The following IQCH variants were observed in gnomAD, a reference collection of about 807,000 sequenced individuals.
IQCH encodes IQ motif containing H.
In IQCH, 98 loss-of-function variants were observed where a neutral mutation model predicts 117.0. That is an observed-to-expected ratio of 0.84 (90% CI 0.71 to 0.99). The LOEUF is 0.99. IQCH is among the 50% of genes least tolerant of loss of function. The pLI is 0.00. For synonymous variants in IQCH, 412 were observed against 448.2 expected, an observed-to-expected ratio of 0.92 and a Z score of 1.02; for missense variants, 1,102 against 1,243.8, an observed-to-expected ratio of 0.89 and a Z score of 1.72.
chr15:67,364,796 T>C lies in IQCH; in HGVS notation c.753+4911T>C, dbSNP rs1462480393. ...CTCTGGTTTTACTCTTTTCATCTAA[T>C]AGTTTATCATAAACCTTTACATATA... On this transcript the variant is annotated intron_variant, in intron 8 of 20. Transcript: ENST00000335894. The surrounding 1 kb of genome is among the most constrained non-coding windows in gnomAD (Gnocchi z 4.1). Among the ~76,000 whole-genome samples the C allele has an allele frequency of 6.6e-6, 1 of 152,232 alleles. No homozygotes were observed. The highest frequency in any genetic ancestry group is 1.5e-5 in the Non-Finnish European group (1 of 68,034).
At chr15:67,420,711 A>G (rs2081714718) in intron 15 of IQCH, among the ~76,000 whole-genome samples, 1 of 152,248 alleles carries the variant, frequency 6.6e-6, no homozygotes, top group African/African-American at 2.4e-5. Context: ...CATTATCAGC[A>G]GAGAGAGCAT....
Position 67,432,124 on chromosome 15 carries a change from T to C in IQCH, c.2505+10547T>C, listed in dbSNP as rs1050672907. On this transcript the variant is annotated intron_variant, in intron 16 of 20. Coordinates refer to ENST00000335894, the MANE Select transcript of IQCH (RefSeq NM_001031715.3). The surrounding 1 kb of genome is among the most constrained non-coding windows in gnomAD (Gnocchi z 5.0). Reference sequence around the variant, plus strand: ...CTGTATTATAAGCATTGATAGTTAATACTTTTTTTGAAAAAGGAAATTAAA... The same window carrying C: ...CTGTATTATAAGCATTGATAGTTAACACTTTTTTTGAAAAAGGAAATTAAA... Among the ~76,000 whole-genome samples the C allele has an allele frequency of 9.9e-5, 15 of 152,198 alleles. No homozygotes were observed. The highest frequency in any genetic ancestry group is 3.1e-4 in the African/African-American group (13 of 41,440).
At chr15:67,274,935 C>T (rs1046145127) in intron 3 of IQCH, among the ~76,000 whole-genome samples, 3 of 152,112 alleles carry the variant, frequency 2.0e-5, no homozygotes, top group African/African-American at 7.2e-5. Flanking sequence ...CTGCCTGTCC[C>T]AAATGGAAGA....
chr15:67,392,113 TC>T (rs1439364934), intron 12 of IQCH, among the ~76,000 whole-genome samples: 1 of 152,154 alleles, frequency 6.6e-6, no homozygotes, highest in Non-Finnish European at 1.5e-5. Context: ...TTTGAGCAAA[TC>T]ACTTGAGGCT....
intron 4 of IQCH, among the ~76,000 whole-genome samples, chr15:67,314,398 A>C (rs1967746776): frequency 6.6e-6 from 1 of 151,526 alleles, no homozygotes; most frequent in South Asian, 2.1e-4. Context: ...CTAATAATGC[A>C]CAGAAATGCC....
Position 67,494,396 on chromosome 15 carries a change from T to A in IQCH, c.2970+30T>A, listed in dbSNP as rs548653579. 1 of 1,458,944 alleles carries A rather than the reference T, an allele frequency of 6.9e-7. No individual in the cohort carries two copies. The highest frequency in any genetic ancestry group is 9.6e-7 in the Non-Finnish European group (1 of 1,046,302). 90.4% of individuals were successfully genotyped at this position (1,458,944 alleles called of 1,614,324 possible). A position where few individuals can be genotyped will look rare whatever the true frequency, so the allele number is the denominator to read the frequency against. On this transcript the variant is annotated intron_variant, in intron 20 of 20. Coordinates refer to ENST00000335894, the MANE Select transcript of IQCH (RefSeq NM_001031715.3). This position sits in a 1 kb window ranked among gnomAD's most constrained non-coding sequence, Gnocchi z 5.5. Reference sequence around the variant, plus strand: ...GGTGTTAATTAACTAACGATTCTGGTTAATTTCTATACAAGGGCTGAAAAT... The same window carrying A: ...GGTGTTAATTAACTAACGATTCTGGATAATTTCTATACAAGGGCTGAAAAT...
intron 4 of IQCH, among the ~76,000 whole-genome samples, chr15:67,330,229 C>T (rs146076421): frequency 2.0e-4 from 31 of 152,290 alleles, no homozygotes; most frequent in African/African-American, 7.2e-4. Context: ...GCCATACCTG[C>T]CATTCTTTGC....
intron 16 of IQCH, among the ~76,000 whole-genome samples, chr15:67,429,029 C>G (rs1314797612): frequency 6.6e-6 from 1 of 152,148 alleles, no homozygotes; most frequent in Non-Finnish European, 1.5e-5. Flanking sequence ...CCTCTAGAGT[C>G]TCCAGGAGGA....
chr15:67,392,090 C>T (rs539987243), intron 12 of IQCH, among the ~76,000 whole-genome samples: 1 of 152,322 alleles, frequency 6.6e-6, no homozygotes, highest in East Asian at 1.9e-4. Flanking sequence ...CTGCTGTTTA[C>T]TAGCTGTGTG....
intron 6 of IQCH, among the ~76,000 whole-genome samples, chr15:67,347,814 G>T (rs917574131): frequency 3.5e-5 from 5 of 141,156 alleles, no homozygotes; most frequent in African/African-American, 7.8e-5. Flanking sequence ...TATATATATA[G>T]ATATATATTT....
At chr15:67,282,797 A>C (rs1273394015) in intron 4 of IQCH, among the ~76,000 whole-genome samples, 1 of 152,178 alleles carries the variant, frequency 6.6e-6, no homozygotes. Context: ...CTCTCACCAA[A>C]AGTGGATAGC....
Position 67,408,972 on chromosome 15 carries a change from T to A in IQCH, c.2098-7959T>A, listed in dbSNP as rs376236394. 6.6e-6 allele frequency among the ~76,000 whole-genome samples: 1 copy of A among 152,224 alleles called. No homozygotes were observed. The highest frequency in any genetic ancestry group is 2.4e-5 in the African/African-American group (1 of 41,462). On this transcript the variant is annotated intron_variant, in intron 14 of 20. Transcript: ENST00000335894. The surrounding 1 kb of genome is among the most constrained non-coding windows in gnomAD (Gnocchi z 4.2). ...TAATTTCCTTAAAACCATTTTCCAA[T>A]GTTAAAAACGTTTCTAAAACACCAG...
At position 67,491,372 on chromosome 15, in the gene IQCH, C is replaced by T. The variant is rs2083649761; in HGVS notation, c.2861+1308C>T. Among the ~76,000 whole-genome samples the T allele has an allele frequency of 6.6e-6, 1 of 152,172 alleles. No homozygotes were observed. Among genetic ancestry groups the T allele is most frequent in the Non-Finnish European group, 1.5e-5 (1 of 68,026 alleles). ...CATTATCAATACAGTGATATTCACC[C>T]TCATCGATCCTTTTGAACTTAGGCA... On this transcript the variant is annotated intron_variant, in intron 19 of 20. Coordinates refer to ENST00000335894, the MANE Select transcript of IQCH (RefSeq NM_001031715.3). The surrounding 1 kb of genome is among the most constrained non-coding windows in gnomAD (Gnocchi z 4.9).
Position 67,376,211 on chromosome 15 carries a change from C to G in IQCH, c.1372+2778C>G, listed in dbSNP as rs146307053. Among the ~76,000 whole-genome samples, 906 of 152,208 alleles carry G rather than the reference C, an allele frequency of 6.0e-3. 4 individuals carry two copies. Among genetic ancestry groups the G allele is most frequent in the African/African-American group, 0.015 (640 of 41,508 alleles). On this transcript the variant is annotated intron_variant, in intron 10 of 20. Transcript: ENST00000335894. This position sits in a 1 kb window ranked among gnomAD's most constrained non-coding sequence, Gnocchi z 5.0. Reference sequence around the variant, plus strand: ...ATATATTTTTAAGGATATAGGGTACCCTTTTTTTGTGTACCACATCCCTGG... The same window carrying G: ...ATATATTTTTAAGGATATAGGGTACGCTTTTTTTGTGTACCACATCCCTGG...
At chr15:67,351,954 C>A (rs1186799739) in intron 6 of IQCH, among the ~76,000 whole-genome samples, 1 of 152,048 alleles carries the variant, frequency 6.6e-6, no homozygotes, top group Non-Finnish European at 1.5e-5. Context: ...ACTGTATTTA[C>A]AGTTATTCTA....
chr15:67,462,036 C>G (rs998984691), intron 16 of IQCH, among the ~76,000 whole-genome samples: 2 of 151,888 alleles, frequency 1.3e-5, no homozygotes, highest in African/African-American at 4.8e-5. Flanking sequence ...CGTTATGTTG[C>G]CCAGGATCGT....
At chr15:67,295,624 A>G (rs1765405839) in intron 4 of IQCH, among the ~76,000 whole-genome samples, 1 of 152,066 alleles carries the variant, frequency 6.6e-6, no homozygotes, top group Admixed American at 6.6e-5. Context: ...ACCCTGAACA[A>G]CCTACCTCTG....
rs189118157 is a variant in IQCH at position 67,403,495 on chromosome 15, T to G, written c.2097+3190T>G. ...TTTCTTGGTGACTTGGTACCAAGCC[T>G]ATTCTCTTCATCCTACCAGCTAACA... is the stretch of plus-strand genomic sequence containing the variant. On this transcript the variant is annotated intron_variant, in intron 14 of 20. Coordinates refer to ENST00000335894, the MANE Select transcript of IQCH (RefSeq NM_001031715.3). This position sits in a 1 kb window ranked among gnomAD's most constrained non-coding sequence, Gnocchi z 4.8. 1 of 152,330 alleles carries G rather than the reference T, an allele frequency of 6.6e-6. No homozygotes were observed. The allele number at this position is 152,330 out of a possible 1,614,324, so 9.4% of individuals were successfully genotyped here.
At position 67,430,748 on chromosome 15, in the gene IQCH, A is replaced by G. The variant is rs914138057; in HGVS notation, c.2505+9171A>G. Among the ~76,000 whole-genome samples the G allele has an allele frequency of 6.6e-6, 1 of 152,230 alleles. No individual in the cohort carries two copies. Among genetic ancestry groups the G allele is most frequent in the Non-Finnish European group, 1.5e-5 (1 of 68,042 alleles). ...AAAAACAAGTGTTTATTGAGCATCT[A>G]TTATGTATAAGCCATAATGCTAGGT... On this transcript the variant is annotated intron_variant, in intron 16 of 20. Transcript: ENST00000335894. This position sits in a 1 kb window ranked among gnomAD's most constrained non-coding sequence, Gnocchi z 5.1.
Sources: gnomAD v4.1 joint callset for allele counts (sites outside exome capture counted in the v4.1 genomes callset) on GRCh38, gnomAD v4.1.1 for gene constraint, Gnocchi (gnomAD v3.1) non-coding constraint, MANE v1.5 for transcripts, NCBI Gene and HGNC (gene_info 2026-07-23, HGNC 2026-07-21) for gene names.